Variants in CFAP54 observed in about 807,000 individuals in gnomAD.
The protein encoded by CFAP54 is cilia- and flagella-associated protein 54.
CFAP54 carries 290 observed loss-of-function variants against 370.4 expected under a neutral mutation model. The observed-to-expected ratio is 0.78, with a 90% CI of 0.71 to 0.86. CFAP54 has a LOEUF of 0.86. Among genes scored for constraint, CFAP54 ranks in the 40% least tolerant of loss-of-function variants. The pLI, the probability that CFAP54 is intolerant of heterozygous loss-of-function variation, is 0.00. For missense variants in CFAP54, 3,399 were observed against 3,528.7 expected (o/e 0.96, Z 0.93); for synonymous variants, 1,206 against 1,236.5 (o/e 0.98, Z 0.52).
intron 17 of CFAP54, among the ~76,000 whole-genome samples, chr12:96,563,876 C>A (rs1306612320): frequency 6.6e-6 from 1 of 152,132 alleles, no homozygotes; most frequent in Non-Finnish European, 1.5e-5. Context: ...TAGTTGTATC[C>A]TTTTTTCCCC....
chr12:96,610,543 G>A lies in CFAP54; in HGVS notation c.3640-11047G>A, dbSNP rs575816968. On this transcript the variant is annotated intron_variant, in intron 26 of 67. Transcript: ENST00000524981. ...TGGGTTCATCTCACTGGGGCTTGTC[G>A]GACAGTGGGTGCAGCCCACTGAGCG... Among the ~76,000 whole-genome samples, 35 of 152,246 alleles carry A rather than the reference G, an allele frequency of 2.3e-4. No individual in the cohort carries two copies. The East Asian group carries it at 5.4e-3, about 24-fold the overall frequency.
intron 67 of CFAP54, among the ~76,000 whole-genome samples, chr12:96,867,962 C>T (rs1340273558): frequency 6.6e-6 from 1 of 152,046 alleles, no homozygotes; most frequent in Non-Finnish European, 1.5e-5. Flanking sequence ...TTTACCTATT[C>T]TATAATAATA....
intron 50 of CFAP54, among the ~76,000 whole-genome samples, chr12:96,730,201 T>C (rs1283340635): frequency 6.6e-6 from 1 of 152,134 alleles, no homozygotes; most frequent in Admixed American, 6.5e-5. Flanking sequence ...CAAATTGACA[T>C]CATCCATGAA....
rs1397468338 is a variant in CFAP54 at position 96,817,821 on chromosome 12, G to T, written c.9004G>T (p.Glu3002Ter). 1.7e-5 allele frequency: 26 copies of T among 1,511,592 alleles called. No homozygotes were observed. Among genetic ancestry groups the T allele is most frequent in the Non-Finnish European group, 2.2e-5 (25 of 1,133,034 alleles). 93.6% of individuals were successfully genotyped at this position (1,511,592 alleles called of 1,614,324 possible). A position where few individuals can be genotyped will look rare whatever the true frequency, so the allele number is the denominator to read the frequency against. The change falls in exon 65 of 68, where the codon GAA becomes TAA. Residue 3002 changes from glutamate to a stop codon, truncating the protein, a stop_gained. Transcript: ENST00000524981. LOFTEE classifies it high-confidence loss of function. ...ATTATCTAATCTTGCTCAAATAGCT[G>T]AACTATCATTGCCAGCAGCTCCTGA... Reference protein sequence around the residue: ...EKLSNLAQIAELSLPAAPEIT... With the variant: ...EKLSNLAQIA
chr12:96,688,807 G>A (rs908688271), intron 42 of CFAP54, 109 bp from the exon 43 acceptor site: 3 of 550,560 alleles, frequency 5.4e-6, no homozygotes, highest in Non-Finnish European at 9.5e-6. Context: ...TTATATGTAT[G>A]CATTTTTCTT....
chr12:96,771,526 C>T (rs1958461290), intron 60 of CFAP54, among the ~76,000 whole-genome samples: 1 of 152,164 alleles, frequency 6.6e-6, no homozygotes, highest in African/African-American at 2.4e-5. Flanking sequence ...GTGGTGGGCC[C>T]CTGTAGTCCC....
chr12:96,774,788 A>G (rs1479154127), intron 60 of CFAP54, among the ~76,000 whole-genome samples: 1 of 152,084 alleles, frequency 6.6e-6, no homozygotes, highest in African/African-American at 2.4e-5. Context: ...GTGTTTTAAC[A>G]TTTTCTTCAA....
At position 96,679,627 on chromosome 12, in the gene CFAP54, G is replaced by T. The variant is rs1246598174; in HGVS notation, c.5591G>T (p.Cys1864Phe). The T allele has an allele frequency of 6.2e-7, 1 of 1,613,042 alleles. No individual in the cohort carries two copies. Residue 1864 changes from cysteine to phenylalanine, a missense_variant, in exon 40 of 68, where the codon TGC (cysteine) becomes TTC (phenylalanine). Physicochemically the swap from Cys to Phe is radical, Grantham distance 205. Around this residue, in one of 3 missense-constraint regions of CFAP54, gnomAD observed 2,796 missense variants for 2,869.7 expected, o/e 0.97. Transcript: ENST00000524981. ...SEYSRAKALV[C>F]VPVDVTDTLR... ...TACAGCCGAGCCAAAGCGCTTGTCTGCGTGCCCGTGGACGTGACAGACACC... is the reference window on the plus strand; with the variant it reads ...TACAGCCGAGCCAAAGCGCTTGTCTTCGTGCCCGTGGACGTGACAGACACC...
chr12:96,685,989 C>T (rs776241770), intron 42 of CFAP54, among the ~76,000 whole-genome samples: 5 of 152,226 alleles, frequency 3.3e-5, no homozygotes, highest in African/African-American at 1.2e-4. Context: ...CACATTCCTT[C>T]TGAGCCTCAG....
chr12:96,701,711 A>G (rs1274863972), intron 46 of CFAP54, among the ~76,000 whole-genome samples: 1 of 152,138 alleles, frequency 6.6e-6, no homozygotes, highest in Non-Finnish European at 1.5e-5. Context: ...CAAAGGTTCT[A>G]AAAGGGATGC....
chr12:96,647,681 A>G (rs1014516901), intron 33 of CFAP54, among the ~76,000 whole-genome samples, 194 bp from the exon 34 acceptor site: 4 of 151,996 alleles, frequency 2.6e-5, no homozygotes, highest in Non-Finnish European at 5.9e-5. Flanking sequence ...TAAAATTCCT[A>G]AGAGCAAAAT....
chr12:96,782,746 T>C (rs925884805), intron 60 of CFAP54, among the ~76,000 whole-genome samples: 1 of 152,178 alleles, frequency 6.6e-6, no homozygotes, highest in Non-Finnish European at 1.5e-5. Flanking sequence ...AAAATTTATA[T>C]GAAAGAACAA....
intron 61 of CFAP54, among the ~76,000 whole-genome samples, chr12:96,786,326 G>C (rs1038621145): frequency 6.6e-6 from 1 of 151,642 alleles, no homozygotes; most frequent in Non-Finnish European, 1.5e-5. Context: ...GATTACAGGC[G>C]TGTGCCACCA....
At chr12:96,700,389 C>T (rs1957479095) in intron 46 of CFAP54, among the ~76,000 whole-genome samples, 1 of 152,110 alleles carries the variant, frequency 6.6e-6, no homozygotes, top group Non-Finnish European at 1.5e-5. Context: ...GCACATTTAT[C>T]AGCCACTACT....
chr12:96,807,363 A>G (rs953021282), intron 63 of CFAP54, among the ~76,000 whole-genome samples: 1 of 152,198 alleles, frequency 6.6e-6, no homozygotes, highest in Non-Finnish European at 1.5e-5. Flanking sequence ...AGTACATACC[A>G]TATGCCAGGT....
chr12:96,728,948 AC>A (rs1301027972), intron 50 of CFAP54, among the ~76,000 whole-genome samples: 2 of 152,112 alleles, frequency 1.3e-5, no homozygotes, highest in Non-Finnish European at 2.9e-5. Context: ...TCCACTCCAG[AC>A]CCTGTTTGCC....
In CFAP54 at chr12:96,691,096, GC is replaced by G. The variant is rs534825529; in HGVS notation, c.6082-31del. The stretch of plus-strand genomic sequence containing the variant: ...TTCATTATTGAAAATGCTATCTATA[GC>G]TCTTTATATTTCACTTTTTTTCATT... On this transcript the variant is annotated intron_variant, in intron 43 of 67. Transcript: ENST00000524981. The G allele has an allele frequency of 1.7e-4, 264 of 1,593,142 alleles. No homozygotes were observed. The African/African-American group carries it at 3.3e-3, about 20-fold the overall frequency.
chr12:96,701,314 A>G (rs1171504692), intron 46 of CFAP54, among the ~76,000 whole-genome samples: 1 of 152,156 alleles, frequency 6.6e-6, no homozygotes, highest in Non-Finnish European at 1.5e-5. Flanking sequence ...GGATTAAATT[A>G]GCAATATTTT....
At chr12:96,546,752 C>T (rs947518840) in intron 14 of CFAP54, among the ~76,000 whole-genome samples, 14 of 149,938 alleles carry the variant, frequency 9.3e-5, no homozygotes, top group African/African-American at 3.2e-4. Context: ...TCACCTGAAG[C>T]TGGGAGGCAG....
Sources: allele counts gnomAD v4.1 joint callset (sites outside exome capture counted in the v4.1 genomes callset), GRCh38; gene constraint gnomAD v4.1.1; regional missense constraint gnomAD v4.1.1; transcripts MANE v1.5; gene names NCBI Gene and HGNC (gene_info 2026-07-23, HGNC 2026-07-21).